Variants in TENT4A observed in about 807,000 individuals in gnomAD.
TENT4A encodes the protein DNA polymerase kappa.
Under a neutral mutation model 72.8 loss-of-function variants are expected in TENT4A, and 7 were observed. That is an observed-to-expected ratio of 0.10 (90% CI 0.05 to 0.18). The LOEUF (loss-of-function observed/expected upper bound fraction) is 0.18. TENT4A is among the 10% of genes least tolerant of loss of function. TENT4A has a pLI of 1.00. For synonymous variants in TENT4A, 456 were observed against 434.3 expected (o/e 1.05, Z -0.62); for missense variants, 831 against 1,017.7 (o/e 0.82, Z 2.50).
intron 1 of TENT4A, among the ~76,000 whole-genome samples, chr5:6,722,145 G>C (rs1332354355): frequency 6.6e-6 from 1 of 152,136 alleles, no homozygotes; most frequent in African/African-American, 2.4e-5. Context: ...GCTTTAGCTG[G>C]TTTCGCCATG....
At chr5:6,751,381 G>A (rs1742394635) in intron 11 of TENT4A, 184 bp downstream of exon 11, 1 of 620,760 alleles carries the variant, frequency 1.6e-6, no homozygotes, top group East Asian at 2.8e-5. Flanking sequence ...CCCATGTATA[G>A]TTTCAGCAGC....
chr5:6,724,254 C>T (rs1365071869), intron 1 of TENT4A, among the ~76,000 whole-genome samples: 1 of 152,148 alleles, frequency 6.6e-6, no homozygotes, highest in Non-Finnish European at 1.5e-5. Context: ...AAGAGCCACG[C>T]AAGACCTCTG....
intron 9 of TENT4A, 29 bp downstream of exon 9, chr5:6,749,686 C>T (rs764183087): frequency 1.4e-6 from 2 of 1,415,306 alleles, no homozygotes; most frequent in East Asian, 2.3e-5. Context: ...TGTGTTCATC[C>T]TAACCACTGG....
chr5:6,746,799 A>G (rs1742126759), intron 7 of TENT4A, among the ~76,000 whole-genome samples: 1 of 152,164 alleles, frequency 6.6e-6, no homozygotes, highest in Non-Finnish European at 1.5e-5. Flanking sequence ...TTTTCCCTAT[A>G]TGGATATTAA....
chr5:6,724,827 C>T (rs955330177), intron 1 of TENT4A, among the ~76,000 whole-genome samples: 2 of 152,196 alleles, frequency 1.3e-5, no homozygotes, highest in Non-Finnish European at 2.9e-5. Flanking sequence ...CACCACTGGC[C>T]TGACTGAGCC....
chr5:6,722,258 G>A (rs1019998759), intron 1 of TENT4A, among the ~76,000 whole-genome samples: 1 of 152,320 alleles, frequency 6.6e-6, no homozygotes, highest in South Asian at 2.1e-4. Context: ...GAGTTGTCAT[G>A]CGAGAGATTA....
chr5:6,726,202 A>G (rs966163749), intron 1 of TENT4A, among the ~76,000 whole-genome samples: 3 of 152,160 alleles, frequency 2.0e-5, no homozygotes, highest in African/African-American at 7.2e-5. Context: ...AGTCTTCATG[A>G]CAGCACCATG....
At chr5:6,745,535 T>A (rs76262992) in intron 6 of TENT4A, among the ~76,000 whole-genome samples, 3,178 of 152,284 alleles carry the variant, frequency 0.021, 38 homozygotes, top group Non-Finnish European at 0.029. Context: ...TAATTTGTTT[T>A]AATTCATTTA....
chr5:6,748,980 A>G (rs1355855192), intron 8 of TENT4A, among the ~76,000 whole-genome samples: 3 of 152,158 alleles, frequency 2.0e-5, no homozygotes, highest in African/African-American at 7.2e-5. Context: ...ATTCTGTGGT[A>G]GTGGAAAGGG....
intron 1 of TENT4A, among the ~76,000 whole-genome samples, chr5:6,715,725 A>G (rs2126589620): frequency 6.6e-6 from 1 of 152,298 alleles, no homozygotes; most frequent in East Asian, 1.9e-4. Context: ...TTCTCATTTG[A>G]AGTATGTTGG....
Position 6,739,716 on chromosome 5 carries a change from C to T in TENT4A, c.888-16C>T, listed in dbSNP as rs757434617. On this transcript the variant is annotated splice_polypyrimidine_tract_variant and intron_variant, in intron 3 of 12. Coordinates refer to ENST00000230859, the MANE Select transcript of TENT4A (RefSeq NM_006999.6). Reference sequence around the variant, plus strand: ...GGCGAGGGGAGCAGTGGCTGACGTGCGTTTTCTTCTGTCAGCGACATAGAC... The same window carrying T: ...GGCGAGGGGAGCAGTGGCTGACGTGTGTTTTCTTCTGTCAGCGACATAGAC... 7.4e-6 allele frequency: 12 copies of T among 1,613,348 alleles called. No individual in the cohort carries two copies. The highest frequency in any genetic ancestry group is 3.3e-5 in the South Asian group (3 of 91,036).
intron 8 of TENT4A, among the ~76,000 whole-genome samples, chr5:6,749,078 A>C (rs1486169772): frequency 6.6e-6 from 1 of 152,070 alleles, no homozygotes; most frequent in African/African-American, 2.4e-5. Flanking sequence ...AGTTTGATAG[A>C]TCTGTTCTGT....
intron 9 of TENT4A, among the ~76,000 whole-genome samples, chr5:6,749,866 A>T (rs1476183017): frequency 1.3e-5 from 2 of 152,246 alleles, no homozygotes; most frequent in East Asian, 3.8e-4. Context: ...CAAAGTTTCT[A>T]GGCTGTGTCA....
chr5:6,752,248 G>A (rs545270234), intron 11 of TENT4A, among the ~76,000 whole-genome samples: 2 of 152,332 alleles, frequency 1.3e-5, no homozygotes, highest in African/African-American at 4.8e-5. Flanking sequence ...TGTGTGGTTC[G>A]AGTGTGAAGT....
In TENT4A at chr5:6,714,559, CA is replaced by C; in HGVS notation, c.578del (p.Lys193ArgfsTer52). The C allele has an allele frequency of 8.3e-7, 1 of 1,198,352 alleles. No individual in the cohort carries two copies. The allele number at this position is 1,198,352 out of a possible 1,614,324, so 74.2% of individuals were successfully genotyped here. On this transcript the variant is annotated frameshift_variant, in exon 1 of 13. Coordinates refer to ENST00000230859, the MANE Select transcript of TENT4A (RefSeq NM_006999.6). LOFTEE classifies it high-confidence loss of function. ...ACCCGGGTCGCCGGAAACGCGAGAA[CA>C]AGGCCAGCACCTACGGCCTCAACTA... ...FHPGRRKREN[K>X]ASTYGLNYLL... is the part of the protein sequence containing the mutation.
chr5:6,730,882 C>T (rs1435795454), intron 1 of TENT4A, among the ~76,000 whole-genome samples: 3 of 151,806 alleles, frequency 2.0e-5, no homozygotes, highest in Non-Finnish European at 4.4e-5. Flanking sequence ...TTAACTGTAT[C>T]AGTAAATGGA....
At chr5:6,740,026 C>T (rs985548302) in intron 4 of TENT4A, among the ~76,000 whole-genome samples, 174 bp downstream of exon 4, 5 of 152,164 alleles carry the variant, frequency 3.3e-5, no homozygotes, top group Non-Finnish European at 2.9e-5. Context: ...GTTTCATAGT[C>T]GTGATCACCA....
chr5:6,743,686 A>G, intron 5 of TENT4A, 26 bp from the exon 6 acceptor site: 1 of 1,557,248 alleles, frequency 6.4e-7, no homozygotes, highest in Non-Finnish European at 8.8e-7. Context: ...ATTACTCAGT[A>G]AATCTTTTTC....
chr5:6,739,506 C>T (rs1226892885), intron 3 of TENT4A, among the ~76,000 whole-genome samples: 1 of 152,210 alleles, frequency 6.6e-6, no homozygotes, highest in African/African-American at 2.4e-5. Context: ...AACCTTCTTG[C>T]TTTCCATCTT....
Sources: gnomAD v4.1 joint callset for allele counts (sites outside exome capture counted in the v4.1 genomes callset) on GRCh38, gnomAD v4.1.1 for gene constraint, MANE v1.5 for transcripts, NCBI Gene and HGNC (gene_info 2026-07-23, HGNC 2026-07-21) for gene names.